KTN1: variants seen among roughly 807,000 people sequenced by gnomAD.
The protein encoded by KTN1 is kinectin 1, also known as kinectin.
A neutral mutation model predicts 222.5 loss-of-function variants in KTN1; 130 were observed. That is an observed-to-expected ratio of 0.58 (90% CI 0.51 to 0.68). The LOEUF (loss-of-function observed/expected upper bound fraction) is 0.68, where lower values mean the gene tolerates loss of function less well. Ranked by LOEUF, KTN1 falls within the 30% of genes least tolerant of loss-of-function variation. The pLI is 0.00. For synonymous variants in KTN1, 512 were observed against 496.3 expected (o/e 1.03, Z -0.42); for missense variants, 1,508 against 1,500.4 (o/e 1.01, Z -0.08).
chr14:55,665,499 G>T (rs960271479), intron 33 of KTN1, among the ~76,000 whole-genome samples: 1 of 152,022 alleles, frequency 6.6e-6, no homozygotes, highest in African/African-American at 2.4e-5. Flanking sequence ...ACAGTCCTTA[G>T]ATAGCATACG....
chr14:55,672,741 GT>G, intron 38 of KTN1, 40 bp downstream of exon 38: 1 of 1,360,190 alleles, frequency 7.4e-7, no homozygotes, highest in South Asian at 1.2e-5. Context: ...CTATGGATTT[GT>G]TTTTAGCATT....
intron 1 of KTN1, among the ~76,000 whole-genome samples, chr14:55,605,786 C>T (rs2036643093): frequency 6.6e-6 from 1 of 152,118 alleles, no homozygotes; most frequent in South Asian, 2.1e-4. Flanking sequence ...TGAAGGTTAT[C>T]AACTACATGA....
intron 7 of KTN1, among the ~76,000 whole-genome samples, chr14:55,632,074 T>TA (rs1436633168): frequency 6.6e-6 from 1 of 152,214 alleles, no homozygotes; most frequent in Non-Finnish European, 1.5e-5. Flanking sequence ...TTCATGTTCT[T>TA]ACCCTATCCA....
At chr14:55,652,132 T>C (rs576682700) in intron 25 of KTN1, among the ~76,000 whole-genome samples, 2 of 152,306 alleles carry the variant, frequency 1.3e-5, no homozygotes, top group East Asian at 3.9e-4. Flanking sequence ...AGGAAGTCTT[T>C]TCATGATTTA....
chr14:55,611,931 A>G, intron 1 of KTN1, 88 bp from the exon 2 acceptor site: 1 of 537,396 alleles, frequency 1.9e-6, no homozygotes, highest in Non-Finnish European at 3.1e-6. Context: ...TTGAAATGCC[A>G]CTTGAAAGAG....
chr14:55,652,672 T>C (rs548008369), intron 25 of KTN1, among the ~76,000 whole-genome samples, 178 bp from the exon 26 acceptor site: 38 of 152,372 alleles, frequency 2.5e-4, no homozygotes, highest in African/African-American at 9.1e-4. Flanking sequence ...GTGTTGGGAT[T>C]ACAGGCGTGA....
chr14:55,612,632 T>C (rs2037756990), intron 2 of KTN1, 61 bp downstream of exon 2: 1 of 1,362,964 alleles, frequency 7.3e-7, no homozygotes, highest in Non-Finnish European at 1.0e-6. Flanking sequence ...GGAATTGAGA[T>C]ATTCTGTTAG....
At chr14:55,595,081 T>C (rs1164363628) in intron 1 of KTN1, among the ~76,000 whole-genome samples, 2 of 152,228 alleles carry the variant, frequency 1.3e-5, no homozygotes, top group African/African-American at 4.8e-5. Flanking sequence ...TTGTAGGAGC[T>C]GGAAGCTCAT....
chr14:55,672,548 T>G, intron 37 of KTN1, 82 bp from the exon 38 acceptor site: 1 of 818,962 alleles, frequency 1.2e-6, no homozygotes, highest in Non-Finnish European at 2.0e-6. Context: ...GAAGTGTCTT[T>G]TAATTGATCA....
intron 28 of KTN1, among the ~76,000 whole-genome samples, chr14:55,654,303 A>G (rs1257242980): frequency 6.6e-6 from 1 of 152,030 alleles, no homozygotes; most frequent in Non-Finnish European, 1.5e-5. Flanking sequence ...CCCGTTTTAA[A>G]CTGTCAAGAT....
At chr14:55,659,561 A>G (rs181119014) in intron 30 of KTN1, 105 bp from the exon 31 acceptor site, 2 of 761,988 alleles carry the variant, frequency 2.6e-6, no homozygotes, top group East Asian at 2.5e-5. Flanking sequence ...AATATATACT[A>G]TTTTTACTTT....
chr14:55,647,201 T>A (rs2042452875), intron 19 of KTN1, among the ~76,000 whole-genome samples, 194 bp downstream of exon 19: 1 of 152,216 alleles, frequency 6.6e-6, no homozygotes. Context: ...CATATAAGAA[T>A]GAATTACTTG....
intron 37 of KTN1, 138 bp downstream of exon 37, chr14:55,672,015 C>T: frequency 3.2e-6 from 2 of 624,534 alleles, no homozygotes; most frequent in South Asian, 4.1e-5. Flanking sequence ...TGGCAGCAGT[C>T]TGTGTTTTCA....
intron 15 of KTN1, 95 bp downstream of exon 15, chr14:55,640,537 G>A (rs2041672683): frequency 1.2e-6 from 1 of 818,984 alleles, no homozygotes; most frequent in Non-Finnish European, 2.0e-6. Context: ...GATTGTGTAA[G>A]TAAAAAATAT....
intron 41 of KTN1, among the ~76,000 whole-genome samples, chr14:55,676,664 C>T (rs1336208247): frequency 3.3e-5 from 5 of 152,064 alleles, no homozygotes; most frequent in Non-Finnish European, 7.4e-5. Flanking sequence ...ATACCCTCAC[C>T]AATATTAGAT....
chr14:55,593,422 G>C (rs2034470894), intron 1 of KTN1, among the ~76,000 whole-genome samples: 1 of 133,896 alleles, frequency 7.5e-6, no homozygotes, highest in African/African-American at 2.8e-5. Context: ...TTTACTAATT[G>C]ATCAGAAATA....
At chr14:55,580,657 C>G (rs1171576083) in intron 1 of KTN1, among the ~76,000 whole-genome samples, 3 of 151,978 alleles carry the variant, frequency 2.0e-5, no homozygotes, top group Admixed American at 6.5e-5. Flanking sequence ...GGACACCCCC[C>G]ACCCTCCCCA....
chr14:55,618,141 T>A lies in KTN1; in HGVS notation c.832+7T>A. 1 of 1,602,308 alleles carries A rather than the reference T, an allele frequency of 6.2e-7. No individual in the cohort carries two copies. The highest frequency in any genetic ancestry group is 8.5e-7 in the Non-Finnish European group (1 of 1,172,864). On this transcript the variant is annotated splice_region_variant and intron_variant, in intron 4 of 43. Transcript: ENST00000395314. ...AAGACCGAAACTGACAAAGGTAATA[T>A]ATGGGATTTATAGTCTTTGTTGTAC...
At chr14:55,643,181 A>T (rs1390522786) in intron 18 of KTN1, among the ~76,000 whole-genome samples, 1 of 152,146 alleles carries the variant, frequency 6.6e-6, no homozygotes, top group Non-Finnish European at 1.5e-5. Flanking sequence ...AAGTGCTGGG[A>T]TTACAGATGT....
Sources: allele counts gnomAD v4.1 joint callset (sites outside exome capture counted in the v4.1 genomes callset), GRCh38; gene constraint gnomAD v4.1.1; transcripts MANE v1.5; gene names NCBI Gene and HGNC (gene_info 2026-07-23, HGNC 2026-07-21).